The following ESR2 variants were observed in gnomAD, a reference collection of about 807,000 sequenced individuals.
The protein encoded by ESR2 is estrogen receptor beta.
In ESR2, 36 loss-of-function variants were observed where a neutral mutation model predicts 49.6. The observed-to-expected ratio is 0.73, with a 90% CI of 0.56 to 0.96. The LOEUF (loss-of-function observed/expected upper bound fraction) is 0.96, where lower values mean the gene tolerates loss of function less well. ESR2 is among the 40% of genes least tolerant of loss of function. The probability of loss-of-function intolerance (pLI) is 0.00; values close to 1 mark genes in which losing one functional copy is unlikely to be tolerated. For synonymous variants in ESR2, 320 were observed against 266.1 expected (o/e 1.20, Z -1.97); for missense variants, 714 against 693.0 (o/e 1.03, Z -0.34).
At chr14:64,249,189 AAAG>A (rs1199321273) in intron 7 of ESR2, among the ~76,000 whole-genome samples, 1 of 152,206 alleles carries the variant, frequency 6.6e-6, no homozygotes, top group African/African-American at 2.4e-5. Context: ...AATCTGTAAA[AAAG>A]GAGGACCCCA....
At chr14:64,255,454 A>C (rs548635151) in intron 6 of ESR2, among the ~76,000 whole-genome samples, 5 of 152,136 alleles carry the variant, frequency 3.3e-5, no homozygotes, top group Non-Finnish European at 7.3e-5. Context: ...CAAGTAAAAC[A>C]GGGCTGTTCT....
At chr14:64,288,749 G>C (rs143856918) in intron 1 of ESR2, among the ~76,000 whole-genome samples, 2 of 151,494 alleles carry the variant, frequency 1.3e-5, no homozygotes, top group East Asian at 3.9e-4. Context: ...CACTTTGAGA[G>C]GCCAAGGTGG....
At chr14:64,307,197 T>TTTAA (rs1330702228) in intron 1 of ESR2, among the ~76,000 whole-genome samples, 2 of 151,466 alleles carry the variant, frequency 1.3e-5, no homozygotes, top group East Asian at 1.9e-4. Flanking sequence ...ATTAATTTAA[T>TTTAA]TTAATTTATT....
chr14:64,279,845 A>C (rs2076628224), intron 3 of ESR2, 136 bp downstream of exon 3: 7 of 745,484 alleles, frequency 9.4e-6, no homozygotes. Flanking sequence ...CCAAACACAC[A>C]TGATCCTCTG....
intron 1 of ESR2, among the ~76,000 whole-genome samples, chr14:64,314,029 A>G (rs987513542): frequency 1.5e-4 from 23 of 152,154 alleles, no homozygotes; most frequent in African/African-American, 4.3e-4. Context: ...ACAAAATCCA[A>G]TTGACATTTG....
chr14:64,244,860 C>G (rs771951981), intron 7 of ESR2, among the ~76,000 whole-genome samples: 1 of 152,198 alleles, frequency 6.6e-6, no homozygotes, highest in Non-Finnish European at 1.5e-5. Context: ...CTGGAGAAAC[C>G]TAACACACCC....
At chr14:64,276,631 A>C (rs2076563367) in intron 3 of ESR2, among the ~76,000 whole-genome samples, 1 of 152,148 alleles carries the variant, frequency 6.6e-6, no homozygotes, top group African/African-American at 2.4e-5. Context: ...AGAGAAACTT[A>C]TTTTTTTCAA....
intron 1 of ESR2, chr14:64,332,210 C>T (rs1346635659): frequency 6.6e-6 from 1 of 152,206 alleles, no homozygotes; most frequent in Non-Finnish European, 1.5e-5. Context: ...AACACACACA[C>T]ACCTTGATCT....
rs148879790 is a variant in ESR2, at chr14:64,261,637, C to G, written c.653-889G>C. On this transcript the variant is annotated intron_variant, in intron 4 of 8. Transcript: ENST00000341099. ...TTCACCATGTTGGCCAGGCTGCTCT[C>G]AAATTCCTGATTCTCAAGTGATCTG... 4.5e-3 allele frequency among the ~76,000 whole-genome samples: 685 copies of G among 152,176 alleles called. 2 individuals carry two copies. The highest frequency in any genetic ancestry group is 6.3e-3 in the Non-Finnish European group (430 of 68,014).
At chr14:64,304,732 T>C (rs1457081333) in intron 1 of ESR2, among the ~76,000 whole-genome samples, 2 of 151,692 alleles carry the variant, frequency 1.3e-5, no homozygotes, top group African/African-American at 2.4e-5. Context: ...AAAAATTAGC[T>C]GGGTGTGGTG....
chr14:64,241,425 T>C (rs1442164672), intron 7 of ESR2, among the ~76,000 whole-genome samples: 1 of 152,254 alleles, frequency 6.6e-6, no homozygotes, highest in Non-Finnish European at 1.5e-5. Flanking sequence ...AAAGTTGTTT[T>C]GACTATTCTA....
chr14:64,257,305 C>G lies in ESR2; in HGVS notation c.1012G>C (p.Val338Leu), dbSNP rs2076122746. The change falls in exon 6 of 9, where the codon GTG becomes CTG. Residue 338 changes from valine (V) to leucine (L), a missense_variant. Transcript: ENST00000341099. ...VRLLESCWME[V>L]LMMGLMWRSI... ...CGCCACATCAGCCCCATCATTAACA[C>G]CTCCATCCAACAGCTCTCCAAGAGC... 6.2e-7 allele frequency: 1 copy of G among 1,613,928 alleles called. No homozygotes were observed. Among genetic ancestry groups the G allele is most frequent in the Non-Finnish European group, 8.5e-7 (1 of 1,180,032 alleles).
intron 7 of ESR2, 121 bp downstream of exon 7, chr14:64,249,425 A>C: frequency 8.1e-7 from 1 of 1,228,322 alleles, no homozygotes; most frequent in Non-Finnish European, 1.1e-6. Context: ...ACGAAGTCCA[A>C]AAGGAAACCA....
intron 7 of ESR2, among the ~76,000 whole-genome samples, chr14:64,248,281 G>A (rs2075909094): frequency 6.6e-6 from 1 of 151,994 alleles, no homozygotes; most frequent in Non-Finnish European, 1.5e-5. Flanking sequence ...GAGGTGGGAG[G>A]ACTGCTTGAG....
chr14:64,297,506 T>A (rs2076972350), upstream of ESR2: 1 of 152,248 alleles, frequency 6.6e-6, no homozygotes, highest in Non-Finnish European at 1.5e-5. Flanking sequence ...AACGTGCACA[T>A]TGGCTCCCCC....
rs767173223 is a variant in ESR2 at position 64,268,897 on chromosome 14, T to G, written c.550A>C (p.Ile184Leu). Reference protein sequence around the residue: ...KRSIQGHNDYICPATNQCTID... With the variant: ...KRSIQGHNDYLCPATNQCTID... ...GTACACTGATTTGTAGCTGGACAAA[T>G]ATAATCATTATGTCCTATAGCAGAG... The change falls in exon 4 of 9, where the codon ATT becomes CTT. Residue 184 changes from isoleucine to leucine, a missense_variant. Physicochemically the swap from Ile to Leu is conservative, Grantham distance 5. Coordinates refer to ENST00000341099, the MANE Select transcript of ESR2 (RefSeq NM_001437.3). 17 of 1,600,228 alleles carry G rather than the reference T, an allele frequency of 1.1e-5. No homozygotes were observed. The South Asian group carries it at 1.5e-4, about 15-fold the overall frequency.
intron 4 of ESR2, among the ~76,000 whole-genome samples, chr14:64,267,107 T>C (rs1312157746): frequency 1.3e-5 from 2 of 152,132 alleles, no homozygotes; most frequent in East Asian, 3.8e-4. Flanking sequence ...TCTTGATCTC[T>C]TGACCTCATG....
chr14:64,311,344 A>T (rs1299257898), intron 1 of ESR2, among the ~76,000 whole-genome samples: 1 of 152,118 alleles, frequency 6.6e-6, no homozygotes, highest in African/African-American at 2.4e-5. Context: ...TTTACATTTT[A>T]AAAGCCTACA....
chr14:64,253,602 G>GTATATA (rs763274235), intron 6 of ESR2, among the ~76,000 whole-genome samples: 5 of 122,102 alleles, frequency 4.1e-5, no homozygotes, highest in Non-Finnish European at 7.4e-5. Context: ...GTGTGTGTGT[G>GTATATA]TGTATGTATG....
Sources: allele counts gnomAD v4.1 joint callset (sites outside exome capture counted in the v4.1 genomes callset), GRCh38; gene constraint gnomAD v4.1.1; transcripts MANE v1.5; gene names NCBI Gene and HGNC (gene_info 2026-07-23, HGNC 2026-07-21).